LRGUK: variants seen among roughly 807,000 people sequenced by gnomAD.
LRGUK encodes the protein leucine rich repeats and guanylate kinase domain containing, also known as leucine-rich repeat and guanylate kinase domain-containing protein.
LRGUK carries 65 observed loss-of-function variants against 76.0 expected under a neutral mutation model. The observed-to-expected ratio is 0.85, with a 90% CI of 0.70 to 1.05. The LOEUF is 1.05. Ranked by LOEUF, LRGUK falls within the 50% of genes least tolerant of loss-of-function variation. The pLI is 0.00. For synonymous variants in LRGUK, 268 were observed against 265.6 expected (o/e 1.01, Z -0.09); for missense variants, 758 against 732.8 (o/e 1.03, Z -0.40).
chr7:134,259,533 G>A (rs1349131907), intron 19 of LRGUK, among the ~76,000 whole-genome samples: 1 of 152,162 alleles, frequency 6.6e-6, no homozygotes, highest in Non-Finnish European at 1.5e-5. Flanking sequence ...TAATTTGCCT[G>A]GCATGAGAAG....
At chr7:134,257,297 A>G (rs996010197) in intron 18 of LRGUK, among the ~76,000 whole-genome samples, 4 of 152,212 alleles carry the variant, frequency 2.6e-5, no homozygotes, top group African/African-American at 9.6e-5. Context: ...GACAGCAAAT[A>G]TGGTGGGGAT....
At chr7:134,191,373 A>G (rs1175993322) in intron 11 of LRGUK, among the ~76,000 whole-genome samples, 7 of 152,210 alleles carry the variant, frequency 4.6e-5, no homozygotes, top group African/African-American at 1.7e-4. Context: ...TTTACTTCTT[A>G]AAGTATTATT....
At position 134,253,458 on chromosome 7, in the gene LRGUK, A is replaced by G. The variant is rs919322828; in HGVS notation, c.2198+4382A>G. 1.3e-4 allele frequency among the ~76,000 whole-genome samples: 20 copies of G among 152,316 alleles called. No individual in the cohort carries two copies. In the East Asian group the frequency reaches 3.9e-3, roughly 29 times the overall value. On this transcript the variant is annotated intron_variant, in intron 18 of 19. Transcript: ENST00000285928. ...GATAGAACTATGTAGGGGGAGTGTT[A>G]TAAAGTGAGTTAAGTTCTTCCGTAT... is the stretch of plus-strand genomic sequence containing the variant.
chr7:134,194,227 A>T (rs555939724), intron 12 of LRGUK, among the ~76,000 whole-genome samples: 1 of 152,276 alleles, frequency 6.6e-6, no homozygotes, highest in Non-Finnish European at 1.5e-5. Flanking sequence ...GGTCTCTTTT[A>T]TACCTATGTA....
intron 8 of LRGUK, 53 bp downstream of exon 8, chr7:134,174,689 G>A (rs1799410847): frequency 1.0e-6 from 1 of 965,232 alleles, no homozygotes; most frequent in Non-Finnish European, 1.7e-6. Flanking sequence ...TGGGATGGTG[G>A]AGGGAAACTA....
chr7:134,178,474 TCCC>T, intron 9 of LRGUK, 26 bp from the exon 10 acceptor site: 2 of 1,544,924 alleles, frequency 1.3e-6, no homozygotes, highest in Admixed American at 1.9e-5. Context: ...AAACTTTTTT[TCCC>T]TTTTACATCT....
chr7:134,248,626 T>G (rs1025881040), intron 17 of LRGUK, among the ~76,000 whole-genome samples: 1 of 152,228 alleles, frequency 6.6e-6, no homozygotes, highest in Non-Finnish European at 1.5e-5. Context: ...TTTTTAACTT[T>G]TATAGCAGTT....
In LRGUK at chr7:134,221,935, A is replaced by C. The variant is rs755459913; in HGVS notation, c.1983+17A>C. On this transcript the variant is annotated intron_variant, in intron 16 of 19. Coordinates refer to the LRGUK transcript ENST00000285928. The stretch of plus-strand genomic sequence containing the variant: ...ACACCAGCGGTAAGAGAGGAATAGA[A>C]GGGGTGAAGCCACAACTGAGCTCTA... 1 of 1,578,828 alleles carries C rather than the reference A, an allele frequency of 6.3e-7. No homozygotes were observed. The highest frequency in any genetic ancestry group is 8.6e-7 in the Non-Finnish European group (1 of 1,166,908).
At chr7:134,265,368 G>GATCCATA (rs1481745264), downstream of LRGUK, among the ~76,000 whole-genome samples, 3 of 152,248 alleles carry the variant, frequency 2.0e-5, no homozygotes, top group South Asian at 6.2e-4. Context: ...GTGAAAAGAA[G>GATCCATA]GCAGATGGGC....
intron 15 of LRGUK, among the ~76,000 whole-genome samples, chr7:134,220,886 G>A (rs1376671531): frequency 2.0e-5 from 3 of 151,976 alleles, no homozygotes; most frequent in Admixed American, 2.0e-4. Context: ...GGTCTTGTGT[G>A]CCAAGCATGC....
At chr7:134,206,767 A>G (rs908171762) in intron 15 of LRGUK, among the ~76,000 whole-genome samples, 3 of 152,146 alleles carry the variant, frequency 2.0e-5, no homozygotes, top group African/African-American at 7.2e-5. Flanking sequence ...TAAACAACCT[A>G]CTTCTGGGAT....
chr7:134,197,231 G>C (rs771367129), intron 13 of LRGUK, 126 bp downstream of exon 13: 1 of 594,242 alleles, frequency 1.7e-6, no homozygotes, highest in Non-Finnish European at 3.0e-6. Flanking sequence ...GTACATATAT[G>C]GGGTACATGC....
Position 134,206,254 on chromosome 7 carries a change from C to T in LRGUK, c.1844-2453C>T, listed in dbSNP as rs113935068. On this transcript the variant is annotated intron_variant, in intron 15 of 15. Transcript: ENST00000645682. ...CATATCAGCCAGGTGCGGTGGCTTA[C>T]GCCTGTAATCCCAGCACTTTGGAAG... Among the ~76,000 whole-genome samples, 364 of 152,280 alleles carry T rather than the reference C, an allele frequency of 2.4e-3. 3 individuals are homozygous for T. The highest frequency in any genetic ancestry group is 7.9e-3 in the African/African-American group (327 of 41,546).
chr7:134,269,381 C>G (rs1442069138), downstream of LRGUK, among the ~76,000 whole-genome samples: 2 of 133,636 alleles, frequency 1.5e-5, no homozygotes, highest in Non-Finnish European at 3.1e-5. Context: ...GACAGGGTCT[C>G]TCTCTCTGTT....
In LRGUK at chr7:134,144,695, A is replaced by G. The variant is rs73437227; in HGVS notation, c.588+1533A>G. On this transcript the variant is annotated intron_variant, in intron 4 of 15. Transcript: ENST00000645682. Reference sequence around the variant, plus strand: ...ATCTGTTTGAAATCAAGAAACAGACATTCCCTTATACTGATGAGAGACCTT... The same window carrying G: ...ATCTGTTTGAAATCAAGAAACAGACGTTCCCTTATACTGATGAGAGACCTT... 7.9e-3 allele frequency among the ~76,000 whole-genome samples: 1,204 copies of G among 152,310 alleles called. 23 individuals carry two copies. Among genetic ancestry groups the G allele is most frequent in the African/African-American group, 0.028 (1,169 of 41,572 alleles).
In LRGUK at chr7:134,221,631, T is replaced by C. The variant is rs1585574292; in HGVS notation, c.1844-148T>C. On this transcript the variant is annotated intron_variant, in intron 15 of 19. Coordinates refer to the LRGUK transcript ENST00000285928. Reference sequence around the variant, plus strand: ...TTATGAGTTATTTTATTCTAAGATATATTTTTATTTTATTTTAAAGTTGAA... The same window carrying C: ...TTATGAGTTATTTTATTCTAAGATACATTTTTATTTTATTTTAAAGTTGAA... 2.2e-5 allele frequency: 11 copies of C among 499,180 alleles called. No individual in the cohort carries two copies. The East Asian group carries it at 4.0e-4, about 18-fold the overall frequency. 30.9% of individuals were successfully genotyped at this position (499,180 alleles called of 1,614,324 possible). A position where few individuals can be genotyped will look rare whatever the true frequency, so the allele number is the denominator to read the frequency against.
intron 7 of LRGUK, among the ~76,000 whole-genome samples, chr7:134,165,560 A>G (rs1413914549): frequency 6.6e-6 from 1 of 152,236 alleles, no homozygotes; most frequent in Non-Finnish European, 1.5e-5. Context: ...AACAGGTGAC[A>G]TTAATTTTAA....
chr7:134,203,352 T>C (rs918933509), intron 15 of LRGUK, among the ~76,000 whole-genome samples: 4 of 152,232 alleles, frequency 2.6e-5, no homozygotes, highest in African/African-American at 9.6e-5. Context: ...TTTGCAAGTA[T>C]GTTCAGCTTT....
intron 10 of LRGUK, among the ~76,000 whole-genome samples, chr7:134,181,666 AT>A (rs1468758960): frequency 6.6e-6 from 1 of 151,832 alleles, no homozygotes; most frequent in African/African-American, 2.4e-5. Flanking sequence ...TTTCTTAGTT[AT>A]TTTTTTGAAA....
Sources: gnomAD v4.1 joint callset for allele counts (sites outside exome capture counted in the v4.1 genomes callset) on GRCh38, gnomAD v4.1.1 for gene constraint, MANE v1.5 for transcripts, NCBI Gene and HGNC (gene_info 2026-07-23, HGNC 2026-07-21) for gene names.